DOCK3: variants seen among roughly 807,000 people sequenced by gnomAD.
The protein encoded by DOCK3 is dedicator of cytokinesis 3.
Under a neutral mutation model 265.6 loss-of-function variants are expected in DOCK3, and 60 were observed. The observed-to-expected ratio is 0.23, with a 90% CI of 0.18 to 0.28. DOCK3 has a LOEUF of 0.28. Among genes scored for constraint, DOCK3 ranks in the 10% least tolerant of loss-of-function variants. DOCK3 has a pLI of 1.00. For missense variants in DOCK3, 1,981 were observed against 2,594.3 expected (o/e 0.76, Z 5.14); for synonymous variants, 881 against 938.0 (o/e 0.94, Z 1.11).
At chr3:50,763,934 A>G (rs936928321) in intron 1 of DOCK3, among the ~76,000 whole-genome samples, 2 of 152,184 alleles carry the variant, frequency 1.3e-5, no homozygotes, top group African/African-American at 2.4e-5. Context: ...CAAAATGCTA[A>G]TGGTCTTGAA....
chr3:51,292,291 T>C (rs2081829825), intron 27 of DOCK3, among the ~76,000 whole-genome samples: 1 of 152,114 alleles, frequency 6.6e-6, no homozygotes, highest in Non-Finnish European at 1.5e-5. Context: ...AGAAAAGGCA[T>C]CCAAATAGGA....
At chr3:50,850,307 C>T (rs956983112) in intron 3 of DOCK3, among the ~76,000 whole-genome samples, 11 of 149,356 alleles carry the variant, frequency 7.4e-5, no homozygotes, top group Admixed American at 2.7e-4. Flanking sequence ...TTGCAGTGAG[C>T]GAAGATTGTG....
intron 5 of DOCK3, among the ~76,000 whole-genome samples, chr3:51,053,090 T>TATAG (rs1559994024): frequency 1.4e-5 from 1 of 72,830 alleles, no homozygotes; most frequent in Non-Finnish European, 2.9e-5. Flanking sequence ...TATATATATA[T>TATAG]ATATATATAT....
chr3:50,741,284 A>G, intron 1 of DOCK3, among the ~76,000 whole-genome samples: 1 of 142,492 alleles, frequency 7.0e-6, no homozygotes, highest in East Asian at 2.1e-4. Context: ...ATTTTATTTT[A>G]TTATTATTCT....
chr3:50,784,448 C>T (rs2042082977), intron 2 of DOCK3, among the ~76,000 whole-genome samples: 1 of 152,216 alleles, frequency 6.6e-6, no homozygotes, highest in East Asian at 1.9e-4. Flanking sequence ...TAATGTGATG[C>T]TTGCAGATTT....
At chr3:51,251,217 C>T (rs1461484635) in intron 22 of DOCK3, among the ~76,000 whole-genome samples, 2 of 152,194 alleles carry the variant, frequency 1.3e-5, no homozygotes, top group Non-Finnish European at 2.9e-5. Context: ...TTTATGGCTG[C>T]ATAGTATTCC....
intron 2 of DOCK3, among the ~76,000 whole-genome samples, chr3:50,810,996 T>C (rs541813423): frequency 6.2e-4 from 95 of 152,304 alleles, no homozygotes; most frequent in African/African-American, 2.2e-3. Context: ...GGATGAAAGG[T>C]TTAAAAATAA....
intron 13 of DOCK3, among the ~76,000 whole-genome samples, chr3:51,211,630 G>A (rs372687140): frequency 1.3e-4 from 20 of 151,736 alleles, no homozygotes; most frequent in African/African-American, 4.6e-4. Flanking sequence ...TTTTCCTTGC[G>A]ATAGTTTGCT....
chr3:51,316,832 G>T (rs896975225), intron 32 of DOCK3, among the ~76,000 whole-genome samples: 6 of 152,088 alleles, frequency 3.9e-5, no homozygotes, highest in Non-Finnish European at 4.4e-5. Context: ...GAATTGTAGG[G>T]TTCTTTATAT....
At chr3:51,333,337 A>T in intron 35 of DOCK3, 84 bp downstream of exon 35, 1 of 1,334,564 alleles carries the variant, frequency 7.5e-7, no homozygotes, top group Admixed American at 1.7e-5. Context: ...GAAAACTGAG[A>T]CCATGTGCTC....
intron 4 of DOCK3, among the ~76,000 whole-genome samples, chr3:50,905,336 T>TA (rs1267013324): frequency 6.6e-6 from 1 of 151,532 alleles, no homozygotes; most frequent in Non-Finnish European, 1.5e-5. Context: ...GCATTGAATC[T>TA]ATAAATTACC....
intron 9 of DOCK3, among the ~76,000 whole-genome samples, chr3:51,132,203 T>G (rs1321026567): frequency 1.3e-5 from 2 of 152,218 alleles, no homozygotes; most frequent in Non-Finnish European, 2.9e-5. Context: ...CCCTACTTAG[T>G]GGGCCCAAAT....
intron 23 of DOCK3, among the ~76,000 whole-genome samples, chr3:51,268,726 G>C (rs978293546): frequency 6.6e-6 from 1 of 152,024 alleles, no homozygotes; most frequent in Non-Finnish European, 1.5e-5. Flanking sequence ...AGTACCTTAA[G>C]GCTTCCTTGA....
chr3:51,156,892 TTTGAAATGTGTTGAACA>T (rs2085875592), intron 10 of DOCK3, among the ~76,000 whole-genome samples: 1 of 152,192 alleles, frequency 6.6e-6, no homozygotes, highest in South Asian at 2.1e-4. Context: ...ACCATTTCAC[TTTGAAATGTGTTGAACA>T]TTTCTATATC....
At position 50,831,348 on chromosome 3, in the gene DOCK3, A is replaced by T. The variant is rs188308436; in HGVS notation, c.122-10327A>T. Among the ~76,000 whole-genome samples, 502 of 152,164 alleles carry T rather than the reference A, an allele frequency of 3.3e-3. 2 individuals are homozygous for T. The highest frequency in any genetic ancestry group is 5.5e-3 in the Non-Finnish European group (372 of 68,002). On this transcript the variant is annotated intron_variant, in intron 2 of 52. Transcript: ENST00000266037. Reference sequence around the variant, plus strand: ...CACCCATCAACCCGTCATCTACATTAGGTATTTTTCCTAATGCTATCCCTT... The same window carrying T: ...CACCCATCAACCCGTCATCTACATTTGGTATTTTTCCTAATGCTATCCCTT...
intron 12 of DOCK3, among the ~76,000 whole-genome samples, chr3:51,178,235 G>A (rs2107697481): frequency 6.6e-6 from 1 of 152,176 alleles, no homozygotes; most frequent in East Asian, 1.9e-4. Flanking sequence ...AGGGTTTGAT[G>A]GAAAGAGAAC....
intron 9 of DOCK3, among the ~76,000 whole-genome samples, chr3:51,137,917 A>G (rs965674025): frequency 6.6e-6 from 1 of 152,242 alleles, no homozygotes; most frequent in Non-Finnish European, 1.5e-5. Context: ...ATGAAATCTC[A>G]TGAGTAAATT....
Position 51,165,096 on chromosome 3 carries a change from G to A in DOCK3, c.1037+4394G>A, listed in dbSNP as rs569355731. Among the ~76,000 whole-genome samples the A allele has an allele frequency of 1.7e-4, 26 of 152,058 alleles. No homozygotes were observed. In the East Asian group the frequency reaches 4.7e-3, roughly 27 times the overall value. On this transcript the variant is annotated intron_variant, in intron 12 of 52. Coordinates refer to ENST00000266037, the MANE Select transcript of DOCK3 (RefSeq NM_004947.5). ...TGGGACTACAGGCACTCGCTGCCAC[G>A]CCCGGCTAATTTTTGTATTTTTGGT...
At chr3:51,180,480 C>T (rs2087224817) in intron 12 of DOCK3, among the ~76,000 whole-genome samples, 1 of 152,190 alleles carries the variant, frequency 6.6e-6, no homozygotes, top group Admixed American at 6.5e-5. Context: ...CCTCTTCCAA[C>T]TTCTGGCTGC....
Sources: gnomAD v4.1 joint callset for allele counts (sites outside exome capture counted in the v4.1 genomes callset) on GRCh38, gnomAD v4.1.1 for gene constraint, MANE v1.5 for transcripts, NCBI Gene and HGNC (gene_info 2026-07-23, HGNC 2026-07-21) for gene names.